Variants in LRP1B observed in about 807,000 individuals in gnomAD.
LRP1B encodes the protein low-density lipoprotein receptor-related protein 1B.
In LRP1B, 217 loss-of-function variants were observed where a neutral mutation model predicts 556.6. The observed-to-expected ratio is 0.39, with a 90% CI of 0.35 to 0.44. LRP1B has a LOEUF of 0.44. Among genes scored for constraint, LRP1B ranks in the 20% least tolerant of loss-of-function variants. LRP1B has a pLI of 1.00. For synonymous variants in LRP1B, 2,047 were observed against 1,865.8 expected (o/e 1.10, Z -2.50); for missense variants, 5,053 against 5,620.8 (o/e 0.90, Z 3.23).
chr2:141,197,508 T>G (rs1169023828), intron 6 of LRP1B, among the ~76,000 whole-genome samples: 1 of 152,132 alleles, frequency 6.6e-6, no homozygotes, highest in East Asian at 1.9e-4. Flanking sequence ...TTACTGTACT[T>G]AGAGTAGACT....
intron 2 of LRP1B, among the ~76,000 whole-genome samples, chr2:141,484,579 T>G (rs1314880449): frequency 6.6e-6 from 1 of 152,208 alleles, no homozygotes; most frequent in Non-Finnish European, 1.5e-5. Context: ...ACGATATTGA[T>G]TCTTCTTACC....
rs375230998 is a variant in LRP1B at position 141,659,698 on chromosome 2, A to G, written c.205+150581T>C. On this transcript the variant is annotated intron_variant, in intron 2 of 90. Coordinates refer to ENST00000389484, the MANE Select transcript of LRP1B (RefSeq NM_018557.3). ...GTGGCCGACTAGATCTATGAGGCATATATTTGAGAGTCATTATCATGCAGG... is the reference window on the plus strand; with the variant it reads ...GTGGCCGACTAGATCTATGAGGCATGTATTTGAGAGTCATTATCATGCAGG... Among the ~76,000 whole-genome samples the G allele has an allele frequency of 9.9e-4, 150 of 152,202 alleles. 1 individual carries two copies. The highest frequency in any genetic ancestry group is 2.3e-3 in the East Asian group (12 of 5,146).
At chr2:141,464,056 A>T (rs539074711) in intron 3 of LRP1B, among the ~76,000 whole-genome samples, 1 of 151,996 alleles carries the variant, frequency 6.6e-6, no homozygotes, top group African/African-American at 2.4e-5. Flanking sequence ...TACTAGAAAA[A>T]GTATGCTGTC....
intron 1 of LRP1B, among the ~76,000 whole-genome samples, chr2:142,044,450 T>G (rs1361762220): frequency 6.6e-6 from 1 of 151,730 alleles, no homozygotes; most frequent in African/African-American, 2.4e-5. Flanking sequence ...AGCTGATCTT[T>G]GCATGCTCCT....
intron 3 of LRP1B, among the ~76,000 whole-genome samples, chr2:141,307,171 A>G (rs1345512326): frequency 6.6e-6 from 1 of 151,846 alleles, no homozygotes; most frequent in East Asian, 1.9e-4. Flanking sequence ...GGTTAATTTT[A>G]ATCTAGATGA....
At chr2:140,491,640 A>G (rs918738890) in intron 57 of LRP1B, among the ~76,000 whole-genome samples, 2 of 152,142 alleles carry the variant, frequency 1.3e-5, no homozygotes, top group African/African-American at 4.8e-5. Flanking sequence ...GGCAGCAAAA[A>G]ACTTTCCCTC....
At chr2:140,319,621 GAGGGTGA>G (rs1679983963) in intron 82 of LRP1B, among the ~76,000 whole-genome samples, 1 of 152,160 alleles carries the variant, frequency 6.6e-6, no homozygotes, top group African/African-American at 2.4e-5. Context: ...CGGCCTTTTG[GAGGGTGA>G]AGGGTGGGAG....
intron 2 of LRP1B, among the ~76,000 whole-genome samples, chr2:141,658,686 A>C (rs951890063): frequency 1.3e-5 from 2 of 152,226 alleles, no homozygotes; most frequent in African/African-American, 4.8e-5. Context: ...GCAATGCATA[A>C]ATAATACTGG....
intron 7 of LRP1B, among the ~76,000 whole-genome samples, chr2:141,120,900 G>A (rs1482290431): frequency 6.6e-6 from 1 of 151,970 alleles, no homozygotes; most frequent in Non-Finnish European, 1.5e-5. Context: ...ACATTGCAGA[G>A]TCCACCATGC....
At chr2:141,434,463 G>GT (rs58419002) in intron 3 of LRP1B, among the ~76,000 whole-genome samples, 19 of 151,428 alleles carry the variant, frequency 1.3e-4, no homozygotes, top group South Asian at 8.3e-4. Context: ...TCTTTCTTAT[G>GT]TTTTTTTTAT....
chr2:140,315,564 A>G (rs868806419), intron 82 of LRP1B, among the ~76,000 whole-genome samples: 1 of 152,034 alleles, frequency 6.6e-6, no homozygotes, highest in South Asian at 2.1e-4. Context: ...ATTGTGCACC[A>G]CCACACGTGG....
At chr2:141,950,885 A>G in intron 1 of LRP1B, among the ~76,000 whole-genome samples, 1 of 152,178 alleles carries the variant, frequency 6.6e-6, no homozygotes, top group Non-Finnish European at 1.5e-5. Context: ...TAAATCTTTG[A>G]TAAACAAAGA....
intron 1 of LRP1B, among the ~76,000 whole-genome samples, chr2:141,862,189 C>A (rs1209535930): frequency 1.3e-5 from 2 of 152,078 alleles, no homozygotes; most frequent in Non-Finnish European, 2.9e-5. Flanking sequence ...TACAAATTAG[C>A]TACTATAATA....
intron 41 of LRP1B, 122 bp downstream of exon 41, chr2:140,700,128 A>G (rs1686580074): frequency 1.1e-6 from 1 of 905,196 alleles, no homozygotes; most frequent in Non-Finnish European, 1.7e-6. Context: ...ATATAGTCAC[A>G]TTCATTCCTG....
intron 1 of LRP1B, among the ~76,000 whole-genome samples, chr2:141,880,800 A>G (rs1350390852): frequency 6.6e-6 from 1 of 152,096 alleles, no homozygotes; most frequent in African/African-American, 2.4e-5. Context: ...GGTTGTGAGT[A>G]AAAGGTAAAC....
chr2:141,793,935 GT>G (rs1695712925), intron 2 of LRP1B, among the ~76,000 whole-genome samples: 2 of 151,780 alleles, frequency 1.3e-5, no homozygotes, highest in African/African-American at 4.8e-5. Flanking sequence ...TAACTAAGTA[GT>G]TTTGGTTTCC....
intron 2 of LRP1B, among the ~76,000 whole-genome samples, chr2:141,698,787 T>C (rs745555815): frequency 1.4e-4 from 22 of 151,858 alleles, no homozygotes; most frequent in Admixed American, 6.6e-5. Context: ...TTTTCAAATT[T>C]TGAGTACATG....
At chr2:140,798,717 C>T (rs1690405123) in intron 32 of LRP1B, among the ~76,000 whole-genome samples, 1 of 152,154 alleles carries the variant, frequency 6.6e-6, no homozygotes, top group African/African-American at 2.4e-5. Flanking sequence ...AGTAGCAACC[C>T]CCTTTTCCCT....
intron 2 of LRP1B, among the ~76,000 whole-genome samples, chr2:141,572,921 GCCCTA>G (rs1686586986): frequency 8.9e-6 from 1 of 111,864 alleles, no homozygotes; most frequent in Non-Finnish European, 2.0e-5. Context: ...TATGCCCTAT[GCCCTA>G]ATACAGGAGC....
Sources: gnomAD v4.1 joint callset for allele counts (sites outside exome capture counted in the v4.1 genomes callset) on GRCh38, gnomAD v4.1.1 for gene constraint, MANE v1.5 for transcripts, NCBI Gene and HGNC (gene_info 2026-07-23, HGNC 2026-07-21) for gene names.